MRPS28: variants seen among roughly 807,000 people sequenced by gnomAD.
MRPS28 encodes the protein small ribosomal subunit protein bS1m.
Under a neutral mutation model 10.8 loss-of-function variants are expected in MRPS28, and 7 were observed. The observed-to-expected ratio is 0.65, with a 90% confidence interval of 0.37 to 1.22. MRPS28 has a LOEUF of 1.22. MRPS28 is among the 50% of genes most tolerant of loss of function. The probability of loss-of-function intolerance (pLI) is 0.02; values close to 1 mark genes in which losing one functional copy is unlikely to be tolerated. For synonymous variants in MRPS28, 121 were observed against 93.3 expected, an observed-to-expected ratio of 1.30 and a Z score of -1.71; for missense variants, 265 against 232.9, an observed-to-expected ratio of 1.14 and a Z score of -0.90.
chr8:79,976,174 C>T (rs374299599), intron 2 of MRPS28, among the ~76,000 whole-genome samples: 21 of 152,078 alleles, frequency 1.4e-4, no homozygotes, highest in African/African-American at 4.3e-4. Context: ...ACCTCTGCCT[C>T]CCGGGTTCAA....
intron 1 of MRPS28, among the ~76,000 whole-genome samples, chr8:80,005,571 A>G (rs1040605271): frequency 8.5e-5 from 13 of 152,250 alleles, no homozygotes; most frequent in Non-Finnish European, 1.3e-4. Flanking sequence ...AAGAAACTGC[A>G]TAAACTAATG....
At chr8:79,986,464 A>G (rs1226872238) in intron 2 of MRPS28, among the ~76,000 whole-genome samples, 4 of 152,226 alleles carry the variant, frequency 2.6e-5, no homozygotes, top group African/African-American at 9.6e-5. Context: ...GTATTCAATT[A>G]GGAAAAGAGG....
chr8:79,929,322 A>G (rs1029404877), intron 2 of MRPS28, among the ~76,000 whole-genome samples: 1 of 152,178 alleles, frequency 6.6e-6, no homozygotes, highest in Non-Finnish European at 1.5e-5. Flanking sequence ...CTATTCTCTA[A>G]TGTATAATCT....
chr8:79,975,627 C>T (rs534316350), intron 2 of MRPS28, among the ~76,000 whole-genome samples: 15 of 151,812 alleles, frequency 9.9e-5, no homozygotes, highest in African/African-American at 2.4e-4. Flanking sequence ...ATTAAATAAA[C>T]GGCCAAACGT....
intron 1 of MRPS28, among the ~76,000 whole-genome samples, chr8:80,018,994 G>A (rs1273679554): frequency 2.0e-5 from 3 of 152,060 alleles, no homozygotes; most frequent in African/African-American, 7.2e-5. Context: ...CAGACGCTGG[G>A]AAGGGTATTG....
At chr8:79,944,783 C>G (rs1258634694) in intron 2 of MRPS28, among the ~76,000 whole-genome samples, 1 of 151,504 alleles carries the variant, frequency 6.6e-6, no homozygotes, top group Non-Finnish European at 1.5e-5. Flanking sequence ...GCAACCTCCA[C>G]CCCCAGCTGA....
At chr8:79,986,188 T>A (rs1808163798) in intron 2 of MRPS28, among the ~76,000 whole-genome samples, 1 of 152,212 alleles carries the variant, frequency 6.6e-6, no homozygotes, top group Non-Finnish European at 1.5e-5. Context: ...CTTGATTATC[T>A]CAATAGATGC....
intron 1 of MRPS28, among the ~76,000 whole-genome samples, chr8:80,023,998 G>T (rs1027111986): frequency 3.9e-5 from 6 of 152,304 alleles, no homozygotes; most frequent in African/African-American, 1.4e-4. Flanking sequence ...GGAGGCTAGG[G>T]CAGGCAAATT....
At chr8:79,986,349 C>T (rs1475631378) in intron 2 of MRPS28, among the ~76,000 whole-genome samples, 5 of 152,192 alleles carry the variant, frequency 3.3e-5, no homozygotes, top group Admixed American at 1.3e-4. Flanking sequence ...GAAGCATTCC[C>T]TTTGAAAACT....
chr8:80,029,939 T>A (rs768156002), intron 1 of MRPS28, 97 bp downstream of exon 1: 3 of 1,538,066 alleles, frequency 2.0e-6, no homozygotes, highest in Admixed American at 2.0e-5. Flanking sequence ...GGACCTCAGC[T>A]CCCCTTCCTA....
intron 2 of MRPS28, among the ~76,000 whole-genome samples, chr8:79,945,533 T>C (rs777765115): frequency 1.3e-5 from 2 of 152,160 alleles, no homozygotes; most frequent in Non-Finnish European, 2.9e-5. Context: ...GAGTTTCCTT[T>C]TGGGGTAATG....
intron 1 of MRPS28, among the ~76,000 whole-genome samples, chr8:80,022,072 T>C (rs114055140): frequency 0.013 from 1,996 of 152,304 alleles, 61 homozygotes; most frequent in African/African-American, 0.044. Context: ...TGCTGTCCTT[T>C]TGTAACTCCA....
At chr8:80,011,275 T>C (rs758177701) in intron 1 of MRPS28, among the ~76,000 whole-genome samples, 3 of 151,976 alleles carry the variant, frequency 2.0e-5, no homozygotes, top group Non-Finnish European at 4.4e-5. Context: ...CAGTATCAAC[T>C]TGGGGGTCTC....
chr8:80,013,447 C>A lies in MRPS28; in HGVS notation c.214-10267G>T, dbSNP rs139023793. ...GTCCGGAATTCGAGAACAGCCTGAC[C>A]AACATGGGGAAACCCTGTCTCTACT... On this transcript the variant is annotated intron_variant, in intron 1 of 2. Transcript: ENST00000276585. Among the ~76,000 whole-genome samples the A allele has an allele frequency of 5.6e-3, 849 of 151,636 alleles. 9 individuals carry two copies. The highest frequency in any genetic ancestry group is 0.02 in the African/African-American group (820 of 41,340).
At chr8:79,963,398 C>T (rs773132365) in intron 2 of MRPS28, among the ~76,000 whole-genome samples, 40 of 151,982 alleles carry the variant, frequency 2.6e-4, no homozygotes, top group Non-Finnish European at 1.3e-4. Flanking sequence ...TCCATGGGGG[C>T]GGTAACCAGA....
intron 1 of MRPS28, among the ~76,000 whole-genome samples, chr8:80,009,104 G>A (rs1266161593): frequency 6.6e-6 from 1 of 152,180 alleles, no homozygotes; most frequent in Non-Finnish European, 1.5e-5. Flanking sequence ...CATAAAAAAG[G>A]ATGAGTTCAT....
At chr8:79,961,749 T>C (rs1807377392) in intron 2 of MRPS28, among the ~76,000 whole-genome samples, 1 of 152,146 alleles carries the variant, frequency 6.6e-6, no homozygotes, top group Non-Finnish European at 1.5e-5. Context: ...CTTACAAATA[T>C]GAAAAGCCTT....
At chr8:79,982,343 G>T (rs956723995) in intron 2 of MRPS28, among the ~76,000 whole-genome samples, 14 of 152,370 alleles carry the variant, frequency 9.2e-5, no homozygotes, top group Non-Finnish European at 1.2e-4. Flanking sequence ...CGACGCAGAA[G>T]ACGGGTGATT....
intron 2 of MRPS28, among the ~76,000 whole-genome samples, chr8:79,971,970 G>A (rs370123752): frequency 6.6e-6 from 1 of 152,124 alleles, no homozygotes; most frequent in African/African-American, 2.4e-5. Context: ...AAAGTGCTGG[G>A]ATTACCGGTG....
Sources: allele counts gnomAD v4.1 joint callset (sites outside exome capture counted in the v4.1 genomes callset), GRCh38; gene constraint gnomAD v4.1.1; transcripts MANE v1.5; gene names NCBI Gene and HGNC (gene_info 2026-07-23, HGNC 2026-07-21).